Variants in PLCXD3 observed in about 807,000 individuals in gnomAD.
PLCXD3 encodes the protein phosphatidylinositol specific phospholipase C X domain containing 3, also known as PI-PLC X domain-containing protein 3.
A neutral mutation model predicts 25.5 loss-of-function variants in PLCXD3; 19 were observed. The ratio of observed to expected loss-of-function variants is 0.75; its 90% confidence interval spans 0.52 to 1.09. The LOEUF (loss-of-function observed/expected upper bound fraction) is 1.09, where lower values mean the gene tolerates loss of function less well. Among genes scored for constraint, PLCXD3 ranks in the 50% least tolerant of loss-of-function variants. PLCXD3 has a pLI of 0.00. For synonymous variants in PLCXD3, 174 were observed against 137.6 expected, an observed-to-expected ratio of 1.26 and a Z score of -1.85; for missense variants, 411 against 388.1, an observed-to-expected ratio of 1.06 and a Z score of -0.50.
intron 1 of PLCXD3, among the ~76,000 whole-genome samples, chr5:41,438,643 A>T (rs1747310552): frequency 1.3e-5 from 2 of 152,078 alleles, no homozygotes; most frequent in South Asian, 4.2e-4. Context: ...ACCCTGCCCT[A>T]ATCACCCTAC....
At chr5:41,506,215 G>T (rs1225483080) in intron 1 of PLCXD3, among the ~76,000 whole-genome samples, 2 of 152,224 alleles carry the variant, frequency 1.3e-5, no homozygotes. Context: ...AAAAGCATAT[G>T]TGTGCATAGG....
At chr5:41,432,240 C>T (rs958773124) in intron 1 of PLCXD3, among the ~76,000 whole-genome samples, 17 of 152,190 alleles carry the variant, frequency 1.1e-4, no homozygotes, top group African/African-American at 2.2e-4. Context: ...CTCCCTACTA[C>T]GTAATTCAAA....
chr5:41,429,654 G>A (rs891694201), intron 1 of PLCXD3, among the ~76,000 whole-genome samples: 3 of 152,096 alleles, frequency 2.0e-5, no homozygotes, highest in Non-Finnish European at 4.4e-5. Flanking sequence ...GGAAATGGAT[G>A]CTATGCTTTA....
chr5:41,427,230 A>G (rs1486575617), intron 1 of PLCXD3, among the ~76,000 whole-genome samples: 1 of 151,976 alleles, frequency 6.6e-6, no homozygotes, highest in East Asian at 1.9e-4. Context: ...CTTTCTTGCA[A>G]ATCCTATTAG....
chr5:41,370,575 T>C (rs1745066339), intron 2 of PLCXD3, among the ~76,000 whole-genome samples: 1 of 152,170 alleles, frequency 6.6e-6, no homozygotes, highest in Admixed American at 6.6e-5. Context: ...TTTATCTTTT[T>C]TGGGGGAGAG....
chr5:41,449,642 T>C (rs1747582103), intron 1 of PLCXD3, among the ~76,000 whole-genome samples: 2 of 152,122 alleles, frequency 1.3e-5, no homozygotes, highest in Admixed American at 1.3e-4. Context: ...CAGAATAACA[T>C]TGTGAGAAGT....
At chr5:41,333,202 G>C (rs943167376) in intron 2 of PLCXD3, among the ~76,000 whole-genome samples, 1 of 151,996 alleles carries the variant, frequency 6.6e-6, no homozygotes, top group Non-Finnish European at 1.5e-5. Context: ...AGAAATGAAG[G>C]CTTCATTGAT....
intron 2 of PLCXD3, among the ~76,000 whole-genome samples, chr5:41,343,344 T>C (rs1377244476): frequency 6.6e-6 from 1 of 152,158 alleles, no homozygotes; most frequent in Non-Finnish European, 1.5e-5. Context: ...GAAAACTAGT[T>C]GTTTTGCTTC....
intron 1 of PLCXD3, among the ~76,000 whole-genome samples, chr5:41,465,588 A>G (rs984192736): frequency 2.6e-5 from 4 of 151,680 alleles, no homozygotes; most frequent in Non-Finnish European, 4.4e-5. Context: ...CTATCAGTCT[A>G]ATAATGAACC....
chr5:41,489,768 T>G (rs1748611915), intron 1 of PLCXD3, among the ~76,000 whole-genome samples: 1 of 151,868 alleles, frequency 6.6e-6, no homozygotes, highest in Admixed American at 6.6e-5. Flanking sequence ...TGCTTGTGAT[T>G]TTTGTACATT....
At chr5:41,328,574 A>G (rs1351966488) in intron 2 of PLCXD3, among the ~76,000 whole-genome samples, 1 of 152,186 alleles carries the variant, frequency 6.6e-6, no homozygotes, top group Non-Finnish European at 1.5e-5. Flanking sequence ...GTACAACAGC[A>G]GGTCCCAAAT....
At chr5:41,410,472 T>G (rs570103599) in intron 1 of PLCXD3, among the ~76,000 whole-genome samples, 19 of 151,008 alleles carry the variant, frequency 1.3e-4, no homozygotes, top group South Asian at 6.3e-4. Context: ...TATGATTCCC[T>G]GGACCGTGAA....
chr5:41,459,606 A>G (rs934126352), intron 1 of PLCXD3, among the ~76,000 whole-genome samples: 2 of 151,806 alleles, frequency 1.3e-5, no homozygotes, highest in African/African-American at 4.8e-5. Context: ...AATATTAATA[A>G]AATTTCATAG....
chr5:41,390,729 A>C (rs922373943), intron 1 of PLCXD3, among the ~76,000 whole-genome samples: 1 of 152,172 alleles, frequency 6.6e-6, no homozygotes, highest in Non-Finnish European at 1.5e-5. Context: ...AGAAAAAAAA[A>C]CAAAAACACC....
rs532426057 is a variant in PLCXD3 at position 41,498,040 on chromosome 5, G to A, written c.103+12384C>T. Among the ~76,000 whole-genome samples, 8 of 151,616 alleles carry A rather than the reference G, an allele frequency of 5.3e-5. No individual in the cohort carries two copies. The East Asian group carries it at 1.5e-3, about 29-fold the overall frequency. On this transcript the variant is annotated intron_variant, in intron 1 of 2. Coordinates refer to ENST00000377801, the MANE Select transcript of PLCXD3 (RefSeq NM_001005473.3). ...CACAACATTCCAAAACGTATGAAAT[G>A]CAGCAAAAGCAGTACCGAGAGATTT...
intron 1 of PLCXD3, among the ~76,000 whole-genome samples, chr5:41,422,633 A>C (rs576159645): frequency 6.6e-6 from 1 of 152,212 alleles, no homozygotes; most frequent in Non-Finnish European, 1.5e-5. Flanking sequence ...CCCACCTTCC[A>C]ACATTATATT....
chr5:41,441,895 A>G (rs1379108933), intron 1 of PLCXD3, among the ~76,000 whole-genome samples: 1 of 152,214 alleles, frequency 6.6e-6, no homozygotes, highest in East Asian at 1.9e-4. Context: ...AAACATCAGA[A>G]AAAATTTTAA....
intron 1 of PLCXD3, among the ~76,000 whole-genome samples, chr5:41,389,422 A>G (rs1745739961): frequency 6.6e-6 from 1 of 152,196 alleles, no homozygotes; most frequent in South Asian, 2.1e-4. Context: ...ATAAGAAGAC[A>G]TAGCTGAATT....
chr5:41,504,144 T>C (rs1749009638), intron 1 of PLCXD3, among the ~76,000 whole-genome samples: 1 of 152,132 alleles, frequency 6.6e-6, no homozygotes, highest in African/African-American at 2.4e-5. Flanking sequence ...CCCAGCCTGC[T>C]CAGTGGGAAA....
Sources: gnomAD v4.1 joint callset for allele counts (sites outside exome capture counted in the v4.1 genomes callset) on GRCh38, gnomAD v4.1.1 for gene constraint, MANE v1.5 for transcripts, NCBI Gene and HGNC (gene_info 2026-07-23, HGNC 2026-07-21) for gene names.